Variants in ZNF469 observed in about 807,000 individuals in gnomAD.
The protein encoded by ZNF469 is zinc finger protein 469.
ZNF469 carries 1 observed loss-of-function variant against 1.0 expected under a neutral mutation model. That is an observed-to-expected ratio of 1.00 (90% CI 0.35 to 4.73). The LOEUF (loss-of-function observed/expected upper bound fraction) is 4.73, where lower values mean the gene tolerates loss of function less well. Among genes scored for constraint, ZNF469 ranks in the 30% most tolerant of loss-of-function variants. ZNF469 has a pLI of 0.16. For synonymous variants in ZNF469, 2,703 were observed against 2,363.4 expected (o/e 1.14, Z -4.17); for missense variants, 6,100 against 5,356.3 (o/e 1.14, Z -4.33).
the ZNF469 span, among the ~76,000 whole-genome samples, chr16:88,330,141 C>T: frequency 6.6e-6 from 1 of 152,258 alleles, no homozygotes; most frequent in African/African-American, 2.4e-5. Context: ...CATTTAGGGA[C>T]ATGCAATGAT....
the ZNF469 span, among the ~76,000 whole-genome samples, chr16:88,133,624 ATAG>A: frequency 0.032 from 4,903 of 151,322 alleles, no homozygotes; most frequent in African/African-American, 0.11. Flanking sequence ...TAATAAATCA[ATAG>A]ATTAATAAAA....
chr16:88,138,726 C>T, the ZNF469 span, among the ~76,000 whole-genome samples: 2 of 152,230 alleles, frequency 1.3e-5, no homozygotes, highest in African/African-American at 4.8e-5. Context: ...AAAAAGCAGC[C>T]TTCTTAACTT....
the ZNF469 span, among the ~76,000 whole-genome samples, chr16:88,221,508 G>A: frequency 6.6e-6 from 1 of 152,210 alleles, no homozygotes; most frequent in South Asian, 2.1e-4. Context: ...CAGGGGGACG[G>A]GAAGCCTTCT....
chr16:88,124,815 C>T, the ZNF469 span, among the ~76,000 whole-genome samples: 1 of 152,186 alleles, frequency 6.6e-6, no homozygotes, highest in Non-Finnish European at 1.5e-5. Flanking sequence ...ATCTCCCGAC[C>T]TCAGGTGATC....
At chr16:88,335,797 T>C in the ZNF469 span, among the ~76,000 whole-genome samples, 1 of 152,160 alleles carries the variant, frequency 6.6e-6, no homozygotes, top group Non-Finnish European at 1.5e-5. Context: ...CGCACATTCG[T>C]CCTTCACGTG....
the ZNF469 span, among the ~76,000 whole-genome samples, chr16:88,311,340 C>T: frequency 0.05 from 7,644 of 152,224 alleles, 343 homozygotes; most frequent in East Asian, 0.17. Flanking sequence ...AACCCTGGAG[C>T]TCGACAGGCT....
At chr16:88,262,591 G>A in the ZNF469 span, among the ~76,000 whole-genome samples, 10 of 152,174 alleles carry the variant, frequency 6.6e-5, no homozygotes, top group African/African-American at 2.4e-4. This position sits in a 1 kb window ranked among gnomAD's most constrained non-coding sequence, Gnocchi z 4.3. Flanking sequence ...GCAGGAGCCT[G>A]CAGAGTCCCA....
intron 1 of ZNF469, among the ~76,000 whole-genome samples, chr16:88,407,907 C>T (rs1051362387): frequency 3.9e-5 from 6 of 152,248 alleles, no homozygotes; most frequent in Admixed American, 1.3e-4. Context: ...TGCACACACC[C>T]GGCCATGCCT....
chr16:88,371,960 TCATCACCATCAC>T, the ZNF469 span, among the ~76,000 whole-genome samples: 4 of 122,914 alleles, frequency 3.3e-5, no homozygotes, highest in South Asian at 8.4e-4. Context: ...ATCACCACCA[TCATCACCATCAC>T]CACCATCATC....
chr16:88,321,647 T>G, the ZNF469 span, among the ~76,000 whole-genome samples: 4 of 152,010 alleles, frequency 2.6e-5, no homozygotes, highest in Admixed American at 6.6e-5. Flanking sequence ...TGATTGGATG[T>G]GACCCTCGGA....
At chr16:88,310,167 G>A in the ZNF469 span, among the ~76,000 whole-genome samples, 1 of 152,150 alleles carries the variant, frequency 6.6e-6, no homozygotes, top group South Asian at 2.1e-4. Context: ...AGCCTGGCAT[G>A]AGAGCAAATC....
chr16:88,224,053 TC>T, the ZNF469 span, among the ~76,000 whole-genome samples: 1 of 152,362 alleles, frequency 6.6e-6, no homozygotes, highest in East Asian at 1.9e-4. Context: ...TGTTGACTTT[TC>T]TATGTTTGAA....
At chr16:88,390,567 G>C (rs1904459312) in intron 1 of ZNF469, among the ~76,000 whole-genome samples, 1 of 152,238 alleles carries the variant, frequency 6.6e-6, no homozygotes, top group Admixed American at 6.5e-5. Flanking sequence ...TAGGCAAGCT[G>C]ACTTTTCCTG....
the ZNF469 span, among the ~76,000 whole-genome samples, chr16:88,293,665 TG>T: frequency 5.3e-5 from 8 of 152,092 alleles, no homozygotes; most frequent in African/African-American, 9.7e-5. Flanking sequence ...AAAGCTTCAT[TG>T]GGGGGTGTAT....
At chr16:88,398,348 A>C (rs1337343398) in intron 1 of ZNF469, among the ~76,000 whole-genome samples, 1 of 151,840 alleles carries the variant, frequency 6.6e-6, no homozygotes, top group East Asian at 1.9e-4. Context: ...GTGAAGGGAC[A>C]CGTGAGCCAC....
At chr16:88,117,379 G>GT in the ZNF469 span, among the ~76,000 whole-genome samples, 7 of 152,066 alleles carry the variant, frequency 4.6e-5, no homozygotes, top group South Asian at 2.1e-4. Context: ...AAAAATAAAA[G>GT]TTTTTTTACA....
the ZNF469 span, among the ~76,000 whole-genome samples, chr16:88,239,101 A>G: frequency 6.6e-6 from 1 of 151,906 alleles, no homozygotes; most frequent in African/African-American, 2.4e-5. Context: ...GGCTGTCTGG[A>G]GTCTGGGTCT....
At chr16:88,232,069 G>A in the ZNF469 span, among the ~76,000 whole-genome samples, 1 of 152,120 alleles carries the variant, frequency 6.6e-6, no homozygotes, top group Non-Finnish European at 1.5e-5. Context: ...GGGAAGGCAG[G>A]GCGGGCGCGA....
the ZNF469 span, among the ~76,000 whole-genome samples, chr16:88,212,225 G>A: frequency 6.6e-6 from 1 of 152,106 alleles, no homozygotes; most frequent in Non-Finnish European, 1.5e-5. Flanking sequence ...GGAATCACTT[G>A]TTCCAAACGG....
Sources: gnomAD v4.1 joint callset for allele counts (sites outside exome capture counted in the v4.1 genomes callset) on GRCh38, gnomAD v4.1.1 for gene constraint, Gnocchi (gnomAD v3.1) non-coding constraint, MANE v1.5 for transcripts, NCBI Gene and HGNC (gene_info 2026-07-23, HGNC 2026-07-21) for gene names.